The following RPS6KA6 variants were observed in gnomAD, a reference collection of about 807,000 sequenced individuals.
RPS6KA6 encodes the protein ribosomal protein S6 kinase A6.
Under a neutral mutation model 65.4 loss-of-function variants are expected in RPS6KA6, and 27 were observed. The observed-to-expected ratio is 0.41, with a 90% CI of 0.30 to 0.57. The LOEUF (loss-of-function observed/expected upper bound fraction) is 0.57, where lower values mean the gene tolerates loss of function less well. Among genes scored for constraint, RPS6KA6 ranks in the 20% least tolerant of loss-of-function variants. RPS6KA6 has a pLI of 0.24. For missense variants in RPS6KA6, 486 were observed against 555.6 expected (o/e 0.87, Z 1.26); for synonymous variants, 190 against 184.2 (o/e 1.03, Z -0.26).
chrX:84,075,181 A>C (rs1392490839), intron 20 of RPS6KA6, among the ~76,000 whole-genome samples: 3 of 111,586 alleles, frequency 2.7e-5, no homozygotes, highest in Non-Finnish European at 5.6e-5. Flanking sequence ...GCAGTGAGCC[A>C]AGATTGCGCC....
chrX:84,149,522 T>C (rs912983013), intron 3 of RPS6KA6, among the ~76,000 whole-genome samples: 2 of 112,127 alleles, frequency 1.8e-5, no homozygotes, highest in African/African-American at 3.2e-5. Flanking sequence ...GCAGAATGGA[T>C]ACTGTAATAG....
chrX:84,107,462 A>T (rs1311414669), intron 13 of RPS6KA6, among the ~76,000 whole-genome samples, 161 bp downstream of exon 13: 2 of 112,485 alleles, frequency 1.8e-5, no homozygotes, highest in Admixed American at 1.9e-4. Flanking sequence ...CATCTACTTG[A>T]CAGCTGCCCA....
At chrX:84,097,881 T>A in intron 18 of RPS6KA6, 33 bp from the exon 19 acceptor site, 1 of 982,412 alleles carries the variant, frequency 1.0e-6, no homozygotes. Flanking sequence ...ATGGTGTTAC[T>A]CAATATAAAC....
intron 20 of RPS6KA6, among the ~76,000 whole-genome samples, chrX:84,068,808 A>C (rs1027428073): frequency 8.9e-6 from 1 of 111,774 alleles, no homozygotes; most frequent in Non-Finnish European, 1.9e-5. Context: ...TCATAGTTAA[A>C]TTCCCATTCA....
At chrX:84,135,341 T>TAAGAA in intron 6 of RPS6KA6, 131 bp from the exon 7 acceptor site, 1 of 424,038 alleles carries the variant, frequency 2.4e-6, no homozygotes, top group Non-Finnish European at 4.1e-6. Context: ...TCAATTCTTA[T>TAAGAA]TTGACTGGCA....
intron 6 of RPS6KA6, among the ~76,000 whole-genome samples, chrX:84,135,820 T>G (rs1250370943): frequency 1.8e-5 from 2 of 111,422 alleles, no homozygotes; most frequent in African/African-American, 6.5e-5. Flanking sequence ...TAGTAATGTA[T>G]ACGAGTGTAA....
At chrX:84,145,428 T>C (rs770046039) in intron 6 of RPS6KA6, 50 bp downstream of exon 6, 1 of 793,621 alleles carries the variant, frequency 1.3e-6, no homozygotes, top group Non-Finnish European at 1.8e-6. Flanking sequence ...AAAAGTGATT[T>C]TTCTTAGTTT....
rs781415346 is a variant in RPS6KA6 at position 84,102,021 on chromosome X, A to C, written c.1776+16T>G. 8.7e-7 allele frequency: 1 copy of C among 1,148,609 alleles called. No individual in the cohort carries two copies. Among genetic ancestry groups the C allele is most frequent in the African/African-American group, 1.8e-5 (1 of 54,696 alleles). 94.7% of individuals were successfully genotyped at this position (1,148,609 alleles called of 1,213,427 possible). On this transcript the variant is annotated intron_variant, in intron 18 of 21. Transcript: ENST00000262752. ...GAAAAGAATGAAAGGCAAATGGTGAAGTTTTTAAGGAATACCTCAGGTGCA... is the reference window on the plus strand; with the variant it reads ...GAAAAGAATGAAAGGCAAATGGTGACGTTTTTAAGGAATACCTCAGGTGCA...
At chrX:84,183,604 T>C (rs755138551) in intron 1 of RPS6KA6, among the ~76,000 whole-genome samples, 1 of 112,014 alleles carries the variant, frequency 8.9e-6, no homozygotes, top group East Asian at 2.8e-4. Flanking sequence ...TATCTCTCAC[T>C]ATATCCCCTC....
intron 20 of RPS6KA6, among the ~76,000 whole-genome samples, chrX:84,091,523 G>C (rs2034043765): frequency 1.8e-5 from 2 of 112,043 alleles, no homozygotes; most frequent in African/African-American, 6.5e-5. Flanking sequence ...AAACAGTAGA[G>C]GAAAAGTAGA....
At chrX:84,118,274 G>C (rs1210440458) in intron 9 of RPS6KA6, among the ~76,000 whole-genome samples, 2 of 111,318 alleles carry the variant, frequency 1.8e-5, no homozygotes, top group Non-Finnish European at 3.8e-5. Context: ...AAAATCTGCT[G>C]TTCAAGGCTT....
Position 84,139,469 on chromosome X carries a change from C to A in RPS6KA6, c.502-4259G>T, listed in dbSNP as rs142089805. ...TCTATAGTTAATAATATACCAATAACACACCCTATGCTCACGCATGGCACA... is the reference window on the plus strand; with the variant it reads ...TCTATAGTTAATAATATACCAATAAAACACCCTATGCTCACGCATGGCACA... On this transcript the variant is annotated intron_variant, in intron 6 of 21. Transcript: ENST00000262752. Among the ~76,000 whole-genome samples the A allele has an allele frequency of 5.0e-4, 56 of 111,780 alleles. No homozygotes were observed. The East Asian group carries it at 0.015, about 30-fold the overall frequency.
chrX:84,159,292 C>T (rs1188456479), intron 2 of RPS6KA6, among the ~76,000 whole-genome samples: 2 of 110,542 alleles, frequency 1.8e-5, no homozygotes, highest in African/African-American at 6.6e-5. Context: ...TATAATGTCC[C>T]TTTTTGTCAA....
rs746652503 is a variant in RPS6KA6, at chrX:84,187,867, C to A, written c.33G>T (p.Trp11Cys). The A allele has an allele frequency of 1.7e-6, 2 of 1,203,350 alleles. No individual in the cohort carries two copies. Among genetic ancestry groups the A allele is most frequent in the Admixed American group, 2.2e-5 (1 of 45,406 alleles). ...CGCTGAACACTTCCATTTCTCGGTC[C>A]CAGGGCTCGTCCTGAGGAGCGAATG... MLPFAPQDEP[W>C]DREMEVFSGG... The change falls in exon 1 of 22, where the codon TGG becomes TGT. Residue 11 changes from tryptophan (W) to cysteine (C), a missense_variant. Trp to Cys is a radical substitution (Grantham distance 215). Around this residue, in one of 3 missense-constraint regions of RPS6KA6, gnomAD observed 106 missense variants for 105.0 expected, o/e 1.01. Coordinates refer to ENST00000262752, the MANE Select transcript of RPS6KA6 (RefSeq NM_014496.5).
intron 1 of RPS6KA6, among the ~76,000 whole-genome samples, chrX:84,178,111 A>G (rs1820186781): frequency 8.9e-6 from 1 of 112,189 alleles, no homozygotes; most frequent in Non-Finnish European, 1.9e-5. Context: ...TTTATTTAAA[A>G]AGAGCAAAAT....
chrX:84,087,958 T>G (rs147757527), intron 20 of RPS6KA6, among the ~76,000 whole-genome samples: 73 of 112,452 alleles, frequency 6.5e-4, no homozygotes, highest in African/African-American at 2.0e-3. Context: ...TACTGATACT[T>G]GTGATTACGT....
chrX:84,108,291 G>A lies in RPS6KA6; in HGVS notation c.1009-566C>T, dbSNP rs188758802. Among the ~76,000 whole-genome samples the A allele has an allele frequency of 8.8e-3, 988 of 111,705 alleles. 16 individuals are homozygous for A. The highest frequency in any genetic ancestry group is 0.031 in the African/African-American group (952 of 30,767). ...GTCCCACAGTGGGGAAAAATAAATA[G>A]GGAATTACTTTTGAGTAATTTTTAT... On this transcript the variant is annotated intron_variant, in intron 12 of 21. Transcript: ENST00000262752.
chrX:84,069,203 T>G (rs1272023428), intron 20 of RPS6KA6, among the ~76,000 whole-genome samples: 2 of 111,667 alleles, frequency 1.8e-5, no homozygotes, highest in African/African-American at 6.5e-5. Flanking sequence ...ATGGTGCTGG[T>G]ACCAAAACCA....
At chrX:84,065,612 T>C (rs1383087649) in intron 20 of RPS6KA6, among the ~76,000 whole-genome samples, 1 of 112,146 alleles carries the variant, frequency 8.9e-6, no homozygotes, top group African/African-American at 3.2e-5. Flanking sequence ...TCTATCATAG[T>C]AGTCCCCAGT....
Sources: allele counts gnomAD v4.1 joint callset (sites outside exome capture counted in the v4.1 genomes callset), GRCh38; gene constraint gnomAD v4.1.1; regional missense constraint gnomAD v4.1.1; transcripts MANE v1.5; gene names NCBI Gene and HGNC (gene_info 2026-07-23, HGNC 2026-07-21).